Variants in NTN1 observed in about 807,000 individuals in gnomAD.
NTN1 encodes netrin 1, also known as netrin-1.
A neutral mutation model predicts 54.2 loss-of-function variants in NTN1; 11 were observed. The ratio of observed to expected loss-of-function variants is 0.20; its 90% CI spans 0.13 to 0.34. NTN1 has a LOEUF of 0.34. NTN1 is among the 10% of genes least tolerant of loss of function. The pLI, the probability that NTN1 is intolerant of heterozygous loss-of-function variation, is 1.00. For missense variants in NTN1, 740 were observed against 893.1 expected, an observed-to-expected ratio of 0.83 and a Z score of 2.18; for synonymous variants, 371 against 382.0, an observed-to-expected ratio of 0.97 and a Z score of 0.33.
rs538558446 is a variant in NTN1 at position 9,066,999 on chromosome 17, A to G, written c.1018+43608A>G. 1.9e-4 allele frequency among the ~76,000 whole-genome samples: 11 copies of G among 58,696 alleles called. No homozygotes were observed. In the East Asian group the frequency reaches 2.5e-3, roughly 14 times the overall value. The allele number at this position is 58,696 out of a possible 152,430, so 38.5% of individuals were successfully genotyped here. On this transcript the variant is annotated intron_variant, in intron 2 of 6. Transcript: ENST00000173229. ...CTGGGCGACAGAGTGACTCCATCTC[A>G]AAAAAAAAAAAAAAAAGGCACATTG...
intron 2 of NTN1, among the ~76,000 whole-genome samples, chr17:9,036,661 T>G (rs994584648): frequency 1.3e-5 from 2 of 152,108 alleles, no homozygotes; most frequent in Non-Finnish European, 2.9e-5. Context: ...TGGGCCTCAG[T>G]TCTCTCCTGT....
chr17:9,122,980 A>G (rs1309500609), intron 2 of NTN1, among the ~76,000 whole-genome samples: 5 of 151,870 alleles, frequency 3.3e-5, no homozygotes, highest in African/African-American at 9.7e-5. Context: ...GGTTTTTTCC[A>G]CTCTAAGCTT....
At chr17:9,057,254 A>G (rs1365411703) in intron 2 of NTN1, among the ~76,000 whole-genome samples, 2 of 151,320 alleles carry the variant, frequency 1.3e-5, no homozygotes, top group Non-Finnish European at 2.9e-5. Context: ...GAGGCCTGGG[A>G]CCAACATGTA....
chr17:9,156,482 C>T (rs2092342611), intron 2 of NTN1, among the ~76,000 whole-genome samples: 1 of 152,180 alleles, frequency 6.6e-6, no homozygotes, highest in Non-Finnish European at 1.5e-5. Flanking sequence ...CCCTGAGAGA[C>T]ATGGTCTGGA....
chr17:9,203,743 C>A (rs1324804855), intron 5 of NTN1, among the ~76,000 whole-genome samples: 2 of 151,898 alleles, frequency 1.3e-5, no homozygotes, highest in Non-Finnish European at 2.9e-5. Context: ...GTGGAGGTTG[C>A]AGTGAGCTGA....
At chr17:9,054,803 G>C (rs1160894511) in intron 2 of NTN1, among the ~76,000 whole-genome samples, 5 of 152,164 alleles carry the variant, frequency 3.3e-5, no homozygotes, top group African/African-American at 1.2e-4. Context: ...CCCCAGCCGG[G>C]CAGCACAGCG....
chr17:9,032,135 T>A lies in NTN1; in HGVS notation c.1018+8744T>A, dbSNP rs141782893. On this transcript the variant is annotated intron_variant, in intron 2 of 6. Coordinates refer to ENST00000173229, the MANE Select transcript of NTN1 (RefSeq NM_004822.3). ...GCCCCCAGTGAGGCACTTTGCTGAG[T>A]GTCCGGGGTGCAGGGAGGGGCCGAG... Among the ~76,000 whole-genome samples, 645 of 152,192 alleles carry A rather than the reference T, an allele frequency of 4.2e-3. 4 individuals are homozygous for A. Among genetic ancestry groups the A allele is most frequent in the African/African-American group, 0.015 (607 of 41,526 alleles).
intron 2 of NTN1, among the ~76,000 whole-genome samples, chr17:9,048,315 T>C (rs1271931798): frequency 1.4e-4 from 1 of 7,232 alleles, no homozygotes; most frequent in African/African-American, 8.4e-4. Flanking sequence ...GAAAGGAATC[T>C]TTTTTTTTTT....
chr17:9,117,380 C>T (rs1364826963), intron 2 of NTN1, among the ~76,000 whole-genome samples: 2 of 152,162 alleles, frequency 1.3e-5, no homozygotes, highest in Non-Finnish European at 2.9e-5. Flanking sequence ...GGCTTGCGCT[C>T]CTCAGAAGCA....
In NTN1 at chr17:9,080,187, G is replaced by A. The variant is rs72809984; in HGVS notation, c.1018+56796G>A. On this transcript the variant is annotated intron_variant, in intron 2 of 6. Transcript: ENST00000173229. ...CACATCGTTGAAATTTGTAACTGAG[G>A]TGACCAATGACCTTCGTAGCTAAAT... is the stretch of plus-strand genomic sequence containing the variant. Among the ~76,000 whole-genome samples, 473 of 152,344 alleles carry A rather than the reference G, an allele frequency of 3.1e-3. 1 individual carries two copies. The highest frequency in any genetic ancestry group is 3.9e-3 in the Non-Finnish European group (263 of 68,022).
intron 2 of NTN1, among the ~76,000 whole-genome samples, chr17:9,046,763 T>C (rs1235714630): frequency 2.6e-5 from 4 of 152,064 alleles, no homozygotes; most frequent in Non-Finnish European, 5.9e-5. Context: ...TCCAGCCTGG[T>C]TGGCAGAGAA....
At chr17:9,119,263 C>T (rs1811671960) in intron 2 of NTN1, among the ~76,000 whole-genome samples, 3 of 152,170 alleles carry the variant, frequency 2.0e-5, no homozygotes, top group African/African-American at 7.2e-5. Context: ...TCTCGGCTCA[C>T]TGCAACCTCT....
chr17:9,004,354 C>T, the NTN1 span, among the ~76,000 whole-genome samples: 1 of 152,266 alleles, frequency 6.6e-6, no homozygotes, highest in Admixed American at 6.5e-5. Context: ...CTTGTGCTAT[C>T]AGCCCCGTCG....
chr17:9,082,642 C>T (rs1290935530), intron 2 of NTN1, among the ~76,000 whole-genome samples: 3 of 151,292 alleles, frequency 2.0e-5, no homozygotes, highest in Non-Finnish European at 4.4e-5. Context: ...GGGGGCTTCA[C>T]AGAGAGGATA....
At position 9,199,928 on chromosome 17, in the gene NTN1, T is replaced by C. The variant is rs558687115; in HGVS notation, c.1411+16959T>C. On this transcript the variant is annotated intron_variant, in intron 5 of 6. Coordinates refer to ENST00000173229, the MANE Select transcript of NTN1 (RefSeq NM_004822.3). ...CTTTGTGTGTGTTTGTAGGAAGTAGTTTAGCCCAGTCTTAGCCCCAGGGTG... is the reference window on the plus strand; with the variant it reads ...CTTTGTGTGTGTTTGTAGGAAGTAGCTTAGCCCAGTCTTAGCCCCAGGGTG... Among the ~76,000 whole-genome samples the C allele has an allele frequency of 2.0e-5, 3 of 152,316 alleles. No homozygotes were observed. The East Asian group carries it at 5.8e-4, about 29-fold the overall frequency.
At chr17:9,105,521 C>T (rs1194488436) in intron 2 of NTN1, among the ~76,000 whole-genome samples, 2 of 152,132 alleles carry the variant, frequency 1.3e-5, no homozygotes, top group Non-Finnish European at 2.9e-5. Context: ...TCTGTCAAAA[C>T]GTGGGCGTTC....
intron 5 of NTN1, among the ~76,000 whole-genome samples, chr17:9,196,769 T>C (rs770049096): frequency 1.2e-4 from 18 of 152,220 alleles, no homozygotes; most frequent in Non-Finnish European, 2.5e-4. Context: ...GTACAGTGTA[T>C]TGTGGGATTA....
At position 9,165,536 on chromosome 17, in the gene NTN1, C is replaced by T. The variant is rs550535084; in HGVS notation, c.1207+2535C>T. Among the ~76,000 whole-genome samples, 5 of 152,286 alleles carry T rather than the reference C, an allele frequency of 3.3e-5. No individual in the cohort carries two copies. Among genetic ancestry groups the T allele is most frequent in the South Asian group, 2.1e-4 (1 of 4,826 alleles). On this transcript the variant is annotated intron_variant, in intron 3 of 6. Coordinates refer to ENST00000173229, the MANE Select transcript of NTN1 (RefSeq NM_004822.3). The surrounding 1 kb of genome is among the most constrained non-coding windows in gnomAD (Gnocchi z 4.5). ...TCCCAGCCATGGACAGCAGCTGCCC[C>T]GGCCTTGGTGGGAACCCTGGGAGAA... is the stretch of plus-strand genomic sequence containing the variant.
At chr17:9,150,510 C>G (rs975505492) in intron 2 of NTN1, among the ~76,000 whole-genome samples, 1 of 152,176 alleles carries the variant, frequency 6.6e-6, no homozygotes, top group African/African-American at 2.4e-5. Flanking sequence ...GCAGAGGCTC[C>G]GGACTGGAAC....
Sources: gnomAD v4.1 joint callset for allele counts (sites outside exome capture counted in the v4.1 genomes callset) on GRCh38, gnomAD v4.1.1 for gene constraint, Gnocchi (gnomAD v3.1) non-coding constraint, MANE v1.5 for transcripts, NCBI Gene and HGNC (gene_info 2026-07-23, HGNC 2026-07-21) for gene names.